Variants in TCF25 observed in about 807,000 individuals in gnomAD.
TCF25 encodes the protein TCF25 ribosome quality control complex subunit, also known as ribosome quality control complex subunit TCF25.
A neutral mutation model predicts 83.1 loss-of-function variants in TCF25; 41 were observed. That is an observed-to-expected ratio of 0.49 (90% confidence interval 0.38 to 0.64). The LOEUF is 0.64. Among genes scored for constraint, TCF25 ranks in the 30% least tolerant of loss-of-function variants. The pLI is 0.00. For synonymous variants in TCF25, 458 were observed against 365.0 expected, an observed-to-expected ratio of 1.25 and a Z score of -2.90; for missense variants, 979 against 914.5, an observed-to-expected ratio of 1.07 and a Z score of -0.91.
chr16:89,897,187 G>A (rs2043929606), intron 9 of TCF25, among the ~76,000 whole-genome samples: 1 of 152,238 alleles, frequency 6.6e-6, no homozygotes, highest in Non-Finnish European at 1.5e-5. Context: ...TTAAATCAGT[G>A]AGGAGCTCAG....
rs1327120267 is a variant in TCF25 at position 89,883,358 on chromosome 16, T to C, written c.200T>C (p.Ile67Thr). 7 of 1,613,428 alleles carry C rather than the reference T, an allele frequency of 4.3e-6. No individual in the cohort carries two copies. The highest frequency in any genetic ancestry group is 2.2e-5 in the South Asian group (2 of 91,072). ...RVNNRFELIN[I>T]DDLEDDPVVN... ...TCCAACCTGTTTTTCCAGATAAACA[T>C]TGACGATCTTGAGGATGACCCTGTG... The change falls in exon 2 of 18, where the codon ATT becomes ACT. Residue 67 changes from isoleucine (I) to threonine (T), a missense_variant. Ile to Thr is a moderately conservative substitution (Grantham distance 89, BLOSUM62 -1). Transcript: ENST00000263346.
chr16:89,904,425 A>G, intron 13 of TCF25: 4 of 594,622 alleles, frequency 6.7e-6, no homozygotes, highest in Admixed American at 6.0e-5. Context: ...CAGCTTAAAA[A>G]CGAGGCTCAT....
chr16:89,896,030 G>A lies in TCF25; in HGVS notation c.969G>A (p.Leu323=). Residue 323 remains leucine, a synonymous_variant, in exon 9 of 18, where the codon CTG becomes CTA. Coordinates refer to ENST00000263346, the MANE Select transcript of TCF25 (RefSeq NM_014972.3). ...LYSMECAFHP[L]FSLTSGACRL... is the part of the protein sequence containing the mutation. The stretch of plus-strand genomic sequence containing the variant: ...GCATGGAATGTGCGTTCCACCCCCT[G>A]TTCAGTCTCACCAGTGGGGCCTGCC... 1 of 1,613,932 alleles carries A rather than the reference G, an allele frequency of 6.2e-7. No homozygotes were observed. Among genetic ancestry groups the A allele is most frequent in the Non-Finnish European group, 8.5e-7 (1 of 1,180,000 alleles).
chr16:89,907,992 C>T (rs1376678168), intron 16 of TCF25, among the ~76,000 whole-genome samples: 4 of 138,152 alleles, frequency 2.9e-5, no homozygotes, highest in Non-Finnish European at 4.7e-5. Context: ...GCTCCCGCCT[C>T]CCACCTCCCA....
At chr16:89,908,888 C>T (rs2045307078) in intron 16 of TCF25, 2 of 1,274,416 alleles carry the variant, frequency 1.6e-6, no homozygotes, top group South Asian at 2.5e-5. Context: ...CTTTGGGGCT[C>T]ACAGGGACTG....
intron 6 of TCF25, among the ~76,000 whole-genome samples, chr16:89,892,500 CTGTT>C (rs993546455): frequency 1.2e-4 from 18 of 152,134 alleles, no homozygotes; most frequent in South Asian, 2.1e-4. Flanking sequence ...CAGTGTGTGA[CTGTT>C]TGTTGCCACA....
Position 89,896,068 on chromosome 16 carries a change from G to A in TCF25, c.1007G>A (p.Arg336His), listed in dbSNP as rs745908562. 32 of 1,613,374 alleles carry A rather than the reference G, an allele frequency of 2.0e-5. No individual in the cohort carries two copies. In the East Asian group the frequency reaches 2.5e-4, roughly 12 times the overall value. The change falls in exon 9 of 18, where the codon CGC becomes CAC. Residue 336 changes from arginine to histidine, a missense_variant. Arg to His is a conservative substitution (Grantham distance 29, BLOSUM62 0). Coordinates refer to ENST00000263346, the MANE Select transcript of TCF25 (RefSeq NM_014972.3). ...LTSGACRLDY[R>H]RPENRSFYLA... ...AGTGGGGCCTGCCGGCTGGATTACCGCAGACCCGAGAACAGGTGAGTGCAG... is the reference window on the plus strand; with the variant it reads ...AGTGGGGCCTGCCGGCTGGATTACCACAGACCCGAGAACAGGTGAGTGCAG...
chr16:89,888,514 G>A (rs954739981), intron 5 of TCF25, among the ~76,000 whole-genome samples: 25 of 151,208 alleles, frequency 1.7e-4, no homozygotes, highest in African/African-American at 2.9e-4. Flanking sequence ...GCTTGAAACC[G>A]GAGGCAGAGG....
chr16:89,883,077 G>A (rs1187235726), intron 1 of TCF25, among the ~76,000 whole-genome samples: 3 of 152,168 alleles, frequency 2.0e-5, no homozygotes, highest in Non-Finnish European at 4.4e-5. Flanking sequence ...TACAATATTT[G>A]AGGAGTCTTC....
In TCF25 at chr16:89,906,016, G is replaced by C; in HGVS notation, c.1629-178G>C. 1.0e-5 allele frequency: 6 copies of C among 593,212 alleles called. No homozygotes were observed. In the South Asian group the frequency reaches 1.2e-4, roughly 12 times the overall value. 36.7% of individuals were successfully genotyped at this position (593,212 alleles called of 1,614,324 possible). Reference sequence around the variant, plus strand: ...ATTGGTCCCCAGAGGCTCCCCAGCCGCAGGCCAGGGACCAGCCATGGTGCC... The same window carrying C: ...ATTGGTCCCCAGAGGCTCCCCAGCCCCAGGCCAGGGACCAGCCATGGTGCC... On this transcript the variant is annotated intron_variant, in intron 14 of 17. Transcript: ENST00000263346.
chr16:89,884,665 G>A lies in TCF25; in HGVS notation c.429+9G>A, dbSNP rs777941970. 6 of 1,610,710 alleles carry A rather than the reference G, an allele frequency of 3.7e-6. No homozygotes were observed. The South Asian group carries it at 4.4e-5, about 12-fold the overall frequency. Reference sequence around the variant, plus strand: ...GCACGGGAGAAGCATCGGTACGTGAGTTGGGCCTGGCTGTGCTCTGTCCCT... The same window carrying A: ...GCACGGGAGAAGCATCGGTACGTGAATTGGGCCTGGCTGTGCTCTGTCCCT... On this transcript the variant is annotated intron_variant, in intron 3 of 17. Transcript: ENST00000263346.
At chr16:89,884,467 C>T (rs547053832) in intron 2 of TCF25, 115 bp from the exon 3 acceptor site, 32 of 1,038,618 alleles carry the variant, frequency 3.1e-5, no homozygotes, top group Middle Eastern at 2.3e-4. Flanking sequence ...TTTTGGGACA[C>T]GGAGGGAGAG....
At chr16:89,883,654 T>G (rs2042769174) in intron 2 of TCF25, 142 bp downstream of exon 2, 1 of 955,254 alleles carries the variant, frequency 1.0e-6, no homozygotes, top group South Asian at 1.7e-5. Flanking sequence ...CCCCCAAATT[T>G]ACTTGGGAAC....
At chr16:89,910,436 A>C in intron 16 of TCF25, 155 bp from the exon 17 acceptor site, 7 of 700,470 alleles carry the variant, frequency 1.0e-5, no homozygotes, top group Non-Finnish European at 1.5e-5. Flanking sequence ...CACCCGGGGA[A>C]TCCAGGGCCT....
chr16:89,883,816 G>T (rs980150597), intron 2 of TCF25: 2 of 292,562 alleles, frequency 6.8e-6, no homozygotes, highest in East Asian at 1.1e-4. Context: ...GACCGCGCAC[G>T]TGTGTGCCTC....
Position 89,873,733 on chromosome 16 carries a change from C to T in TCF25, c.66C>T (p.Gly22=), listed in dbSNP as rs1233690223. Residue 22 remains glycine, a synonymous_variant, in exon 1 of 18, where the codon GGC becomes GGT. Transcript: ENST00000263346. ...GCGGCCAGGAGCCCCTCGGGCCCGG[C>T]GCCTTGCATTTCGATCTCCGTGATG... The part of the protein sequence containing the change: ...EQRGQEPLGP[G]ALHFDLRDDD... 2 of 1,611,340 alleles carry T rather than the reference C, an allele frequency of 1.2e-6. No homozygotes were observed. Among genetic ancestry groups the T allele is most frequent in the Non-Finnish European group, 8.5e-7 (1 of 1,179,414 alleles).
Position 89,902,785 on chromosome 16 carries a change from G to T in TCF25, c.1382-1333G>T, listed in dbSNP as rs150084001. 5.0e-3 allele frequency among the ~76,000 whole-genome samples: 752 copies of T among 151,154 alleles called. 6 individuals carry two copies. Among genetic ancestry groups the T allele is most frequent in the Admixed American group, 0.012 (186 of 15,210 alleles). ...TTAAGACGGGCCTCCTCCGAGGGGC[G>T]GTGAGGGGTGAGGGTTATTTGCGTG... On this transcript the variant is annotated intron_variant, in intron 12 of 17. Coordinates refer to ENST00000263346, the MANE Select transcript of TCF25 (RefSeq NM_014972.3).
At chr16:89,904,565 G>A (rs1299034053) in intron 13 of TCF25, 5 of 489,330 alleles carry the variant, frequency 1.0e-5, no homozygotes, top group Middle Eastern at 4.6e-4. Context: ...GGGTGATGGT[G>A]AGACCCCGTC....
intron 1 of TCF25, among the ~76,000 whole-genome samples, chr16:89,882,822 A>G (rs999037319): frequency 1.3e-5 from 2 of 152,120 alleles, no homozygotes; most frequent in Non-Finnish European, 2.9e-5. Flanking sequence ...CCTGACCTCA[A>G]GTGATCCGCC....
Sources: gnomAD v4.1 joint callset for allele counts (sites outside exome capture counted in the v4.1 genomes callset) on GRCh38, gnomAD v4.1.1 for gene constraint, MANE v1.5 for transcripts, NCBI Gene and HGNC (gene_info 2026-07-23, HGNC 2026-07-21) for gene names.